Variants in LRCH3 observed in about 807,000 individuals in gnomAD.
LRCH3 encodes leucine rich repeats and calponin homology domain containing 3, also known as DISP complex protein LRCH3.
Under a neutral mutation model 104.5 loss-of-function variants are expected in LRCH3, and 68 were observed. The observed-to-expected ratio is 0.65, with a 90% CI of 0.54 to 0.80. The LOEUF (loss-of-function observed/expected upper bound fraction) is 0.80. Among genes scored for constraint, LRCH3 ranks in the 30% least tolerant of loss-of-function variants. The probability of loss-of-function intolerance (pLI) is 0.00; values close to 1 mark genes in which losing one functional copy is unlikely to be tolerated. For missense variants in LRCH3, 951 were observed against 953.9 expected (o/e 1.00, Z 0.04); for synonymous variants, 344 against 361.3 (o/e 0.95, Z 0.54).
At chr3:197,814,794 G>A in intron 1 of LRCH3, 114 bp from the exon 2 acceptor site, 1 of 859,644 alleles carries the variant, frequency 1.2e-6, no homozygotes, top group Non-Finnish European at 1.7e-6. Flanking sequence ...CTTAGAAGCT[G>A]TTTTACTTTT....
chr3:197,861,877 A>G (rs1740926113), intron 15 of LRCH3, among the ~76,000 whole-genome samples: 1 of 152,218 alleles, frequency 6.6e-6, no homozygotes, highest in South Asian at 2.1e-4. Context: ...CTAGAATGCA[A>G]GTCACTTAGA....
At chr3:197,832,117 C>T in intron 7 of LRCH3, 80 bp from the exon 8 acceptor site, 1 of 1,434,028 alleles carries the variant, frequency 7.0e-7, no homozygotes, top group Non-Finnish European at 9.4e-7. Context: ...CTGCTTTGGT[C>T]TCCCAAAGCG....
chr3:197,814,184 CA>C (rs537356895), intron 1 of LRCH3, among the ~76,000 whole-genome samples: 102 of 152,278 alleles, frequency 6.7e-4, no homozygotes, highest in African/African-American at 2.4e-3. Flanking sequence ...TGGGAAGCCT[CA>C]GAATCATGGC....
At chr3:197,802,618 A>G (rs1252387391) in intron 1 of LRCH3, among the ~76,000 whole-genome samples, 2 of 152,188 alleles carry the variant, frequency 1.3e-5, no homozygotes, top group Admixed American at 1.3e-4. Flanking sequence ...AGAATTCAGC[A>G]GTGAAACCAT....
rs138892467 is a variant in LRCH3 at position 197,866,128 on chromosome 3, A to G, written c.1782A>G (p.Ala594=). ...PATETVHHSP[A]YSFPAAIQRN... ...CTAATTTAGTTCATCATTCCCCTGC[A>G]TATTCTTTTCCTGCTGCTATCCAGA... is the stretch of plus-strand genomic sequence containing the variant. The change falls in exon 17 of 21, where the codon GCA becomes GCG. Residue 594 remains alanine, a synonymous_variant. Coordinates refer to ENST00000425562, the MANE Select transcript of LRCH3 (RefSeq NM_001365715.1). 1.2e-6 allele frequency: 2 copies of G among 1,613,244 alleles called. No individual in the cohort carries two copies. Among genetic ancestry groups the G allele is most frequent in the East Asian group, 2.2e-5 (1 of 44,876 alleles).
intron 1 of LRCH3, among the ~76,000 whole-genome samples, chr3:197,807,261 G>GA (rs1732602789): frequency 6.7e-6 from 1 of 149,238 alleles, no homozygotes; most frequent in Non-Finnish European, 1.5e-5. Context: ...CTGTCGCCCA[G>GA]GCTGGAGTGC....
At chr3:197,851,474 A>G (rs1739586268) in intron 12 of LRCH3, among the ~76,000 whole-genome samples, 3 of 152,238 alleles carry the variant, frequency 2.0e-5, no homozygotes, top group Admixed American at 2.0e-4. Context: ...AAAATAAGGC[A>G]TAAAAACCAG....
intron 7 of LRCH3, 140 bp downstream of exon 7, chr3:197,831,003 C>T: frequency 3.0e-6 from 2 of 673,182 alleles, no homozygotes; most frequent in Non-Finnish European, 5.1e-6. Context: ...AGATTCCCAC[C>T]CTCTCCAGCA....
At chr3:197,791,585 C>G in intron 1 of LRCH3, 45 bp downstream of exon 1, 1 of 1,486,632 alleles carries the variant, frequency 6.7e-7, no homozygotes, top group South Asian at 1.3e-5. Flanking sequence ...GACCCGGCGC[C>G]GGGAGCCGCC....
At chr3:197,792,239 TTAGTTTCCTC>T (rs1730610784) in intron 1 of LRCH3, among the ~76,000 whole-genome samples, 1 of 151,896 alleles carries the variant, frequency 6.6e-6, no homozygotes, top group Admixed American at 6.6e-5. Context: ...CCGACTCCCA[TTAGTTTCCTC>T]TTCCACTCCT....
At chr3:197,804,181 C>G (rs1245122613) in intron 1 of LRCH3, among the ~76,000 whole-genome samples, 2 of 151,626 alleles carry the variant, frequency 1.3e-5, no homozygotes, top group African/African-American at 2.4e-5. Flanking sequence ...GAGAATTGCT[C>G]AAACCCCAGA....
chr3:197,879,458 A>G (rs1291254890), intron 20 of LRCH3, among the ~76,000 whole-genome samples: 9 of 151,082 alleles, frequency 6.0e-5, no homozygotes, highest in East Asian at 1.9e-4. Context: ...CATCCTGGCT[A>G]ACATGGTGAA....
chr3:197,813,162 A>G (rs934188497), intron 1 of LRCH3, among the ~76,000 whole-genome samples: 1 of 152,220 alleles, frequency 6.6e-6, no homozygotes, highest in African/African-American at 2.4e-5. Flanking sequence ...AGAGCCATAC[A>G]ATGTGTAATA....
chr3:197,859,003 G>A (rs977493250), intron 15 of LRCH3, 98 bp downstream of exon 15: 3 of 877,034 alleles, frequency 3.4e-6, no homozygotes, highest in Non-Finnish European at 5.9e-6. Flanking sequence ...CTGAAATATA[G>A]GATCGCATAA....
chr3:197,835,930 T>A (rs1003801149), intron 9 of LRCH3, 108 bp downstream of exon 9: 3 of 1,214,928 alleles, frequency 2.5e-6, no homozygotes, highest in Non-Finnish European at 3.4e-6. Context: ...AGCCTAATTG[T>A]TTTCATTATG....
intron 10 of LRCH3, among the ~76,000 whole-genome samples, chr3:197,841,253 G>T (rs1737759167): frequency 6.6e-6 from 1 of 152,102 alleles, no homozygotes; most frequent in Non-Finnish European, 1.5e-5. Context: ...TCAGTTTGAT[G>T]CAGTTACCGG....
chr3:197,880,500 C>A, intron 20 of LRCH3: 1 of 1,529,946 alleles, frequency 6.5e-7, no homozygotes, highest in South Asian at 1.2e-5. Context: ...TTCCTGCTTA[C>A]ACTTTGGACA....
At position 197,854,555 on chromosome 3, in the gene LRCH3, G is replaced by A; in HGVS notation, c.1644+110G>A. ...AACATGATGAACATCATTACTAAAT[G>A]CTTTATGAAGAACTAAACCATTTTC... On this transcript the variant is annotated intron_variant, in intron 14 of 20. Transcript: ENST00000425562. This position sits in a 1 kb window ranked among gnomAD's most constrained non-coding sequence, Gnocchi z 4.5. The A allele has an allele frequency of 1.9e-6, 2 of 1,056,818 alleles. No individual in the cohort carries two copies. The highest frequency in any genetic ancestry group is 1.5e-6 in the Non-Finnish European group (1 of 688,296). The allele number at this position is 1,056,818 out of a possible 1,614,324, so 65.5% of individuals were successfully genotyped here. A position where few individuals can be genotyped will look rare whatever the true frequency, so the allele number is the denominator to read the frequency against.
At chr3:197,836,519 G>A (rs545750404) in intron 9 of LRCH3, among the ~76,000 whole-genome samples, 5 of 152,286 alleles carry the variant, frequency 3.3e-5, no homozygotes, top group African/African-American at 1.2e-4. Context: ...TTCAGGCTCT[G>A]AGCAGTGATT....
Sources: gnomAD v4.1 joint callset for allele counts (sites outside exome capture counted in the v4.1 genomes callset) on GRCh38, gnomAD v4.1.1 for gene constraint, Gnocchi (gnomAD v3.1) non-coding constraint, MANE v1.5 for transcripts, NCBI Gene and HGNC (gene_info 2026-07-23, HGNC 2026-07-21) for gene names.